Variants in LSAMP observed in about 807,000 individuals in gnomAD.
LSAMP encodes limbic system-associated membrane protein.
LSAMP carries 7 observed loss-of-function variants against 38.6 expected under a neutral mutation model. That is an observed-to-expected ratio of 0.18 (90% CI 0.10 to 0.34). The LOEUF (loss-of-function observed/expected upper bound fraction) is 0.34. Among genes scored for constraint, LSAMP ranks in the 10% least tolerant of loss-of-function variants. The probability of loss-of-function intolerance (pLI) is 1.00; values close to 1 mark genes in which losing one functional copy is unlikely to be tolerated. For missense variants in LSAMP, 313 were observed against 420.0 expected, an observed-to-expected ratio of 0.75 and a Z score of 2.23; for synonymous variants, 154 against 166.8, an observed-to-expected ratio of 0.92 and a Z score of 0.59.
At chr3:116,442,815 C>T (rs1288420982) in intron 1 of LSAMP, among the ~76,000 whole-genome samples, 1 of 152,166 alleles carries the variant, frequency 6.6e-6, no homozygotes, top group African/African-American at 2.4e-5. Context: ...ACTGTAATGT[C>T]TGCTAAAGCG....
chr3:116,238,075 T>C (rs2046487879), intron 1 of LSAMP, among the ~76,000 whole-genome samples: 1 of 152,172 alleles, frequency 6.6e-6, no homozygotes, highest in Non-Finnish European at 1.5e-5. Flanking sequence ...TCTCAAGATA[T>C]TGCCAAATAT....
At chr3:116,320,423 A>G (rs957383716) in intron 1 of LSAMP, among the ~76,000 whole-genome samples, 12 of 152,036 alleles carry the variant, frequency 7.9e-5, no homozygotes, top group Middle Eastern at 3.4e-3. Context: ...AGAAAATAAT[A>G]ATAGTAATAA....
chr3:116,259,859 A>G (rs987226845), intron 1 of LSAMP, among the ~76,000 whole-genome samples: 91 of 152,330 alleles, frequency 6.0e-4, no homozygotes, highest in African/African-American at 2.1e-3. Context: ...CTGCCTTTAT[A>G]ACAGCTATCT....
chr3:115,846,868 G>T (rs1170059457), intron 4 of LSAMP, among the ~76,000 whole-genome samples: 4 of 152,116 alleles, frequency 2.6e-5, no homozygotes, highest in Non-Finnish European at 4.4e-5. Flanking sequence ...CGACACAGTG[G>T]ATATAAACCT....
At chr3:115,997,609 C>A (rs1939850292) in intron 3 of LSAMP, among the ~76,000 whole-genome samples, 1 of 149,456 alleles carries the variant, frequency 6.7e-6, no homozygotes, top group Non-Finnish European at 1.5e-5. Context: ...ACAGCAAGTG[C>A]AAAGGCCCTG....
intron 3 of LSAMP, among the ~76,000 whole-genome samples, chr3:115,954,705 C>G (rs1938398404): frequency 6.6e-6 from 1 of 152,204 alleles, no homozygotes; most frequent in South Asian, 2.1e-4. Context: ...CGTTCTCTCT[C>G]TAGAGCCCAG....
chr3:115,965,445 C>T (rs891594656), intron 3 of LSAMP, among the ~76,000 whole-genome samples: 2 of 151,466 alleles, frequency 1.3e-5, no homozygotes, highest in African/African-American at 4.8e-5. Flanking sequence ...ATCTTATAAC[C>T]ATGGGGTGAA....
chr3:116,434,493 C>T (rs1480965800), intron 1 of LSAMP, among the ~76,000 whole-genome samples: 1 of 152,082 alleles, frequency 6.6e-6, no homozygotes. Flanking sequence ...TTCCTGAATG[C>T]GCCAGAACTG....
At chr3:116,091,814 G>T (rs1314994312) in intron 1 of LSAMP, among the ~76,000 whole-genome samples, 1 of 152,222 alleles carries the variant, frequency 6.6e-6, no homozygotes. Flanking sequence ...ATGACAATGG[G>T]TGTTAGTGCC....
chr3:116,158,309 C>T (rs1709804477), intron 1 of LSAMP, among the ~76,000 whole-genome samples: 1 of 152,212 alleles, frequency 6.6e-6, no homozygotes, highest in Non-Finnish European at 1.5e-5. Flanking sequence ...GAAGGATGCC[C>T]TCTCTCATCA....
intron 1 of LSAMP, among the ~76,000 whole-genome samples, chr3:116,209,480 C>T (rs2046122902): frequency 1.3e-5 from 2 of 152,126 alleles, no homozygotes; most frequent in African/African-American, 2.4e-5. Flanking sequence ...TAGTTTGTTC[C>T]TATGCATATA....
chr3:116,035,393 T>C (rs149639731), intron 2 of LSAMP, among the ~76,000 whole-genome samples: 48 of 152,254 alleles, frequency 3.2e-4, no homozygotes, highest in Admixed American at 9.8e-4. Context: ...GTAATAGAAA[T>C]GTTTCACTTA....
intron 1 of LSAMP, among the ~76,000 whole-genome samples, chr3:116,307,212 C>T (rs946441270): frequency 1.3e-5 from 2 of 151,990 alleles, no homozygotes; most frequent in Non-Finnish European, 2.9e-5. Flanking sequence ...AAGCTGCCAG[C>T]AGTCACTTAA....
chr3:116,298,759 C>T (rs1276625688), intron 1 of LSAMP, among the ~76,000 whole-genome samples: 1 of 152,064 alleles, frequency 6.6e-6, no homozygotes, highest in Non-Finnish European at 1.5e-5. Context: ...TAATTAAGCA[C>T]TTACAATTTT....
intron 1 of LSAMP, among the ~76,000 whole-genome samples, chr3:116,097,537 T>G (rs1168287725): frequency 6.6e-6 from 1 of 152,200 alleles, no homozygotes; most frequent in African/African-American, 2.4e-5. Context: ...ACATGACAAT[T>G]AATAGATACA....
chr3:116,416,110 A>C (rs999107430), intron 1 of LSAMP, among the ~76,000 whole-genome samples: 7 of 152,190 alleles, frequency 4.6e-5, no homozygotes, highest in African/African-American at 1.4e-4. Flanking sequence ...TATTCTGCAA[A>C]ACTGAGGTAG....
At chr3:116,230,652 C>T (rs927689771) in intron 1 of LSAMP, among the ~76,000 whole-genome samples, 8 of 152,262 alleles carry the variant, frequency 5.3e-5, no homozygotes, top group African/African-American at 1.7e-4. Flanking sequence ...AAAGGTCTCT[C>T]CTTTGTGACT....
chr3:116,122,176 CATTA>C (rs1383968664), intron 1 of LSAMP, among the ~76,000 whole-genome samples: 1 of 152,122 alleles, frequency 6.6e-6, no homozygotes, highest in African/African-American at 2.4e-5. Flanking sequence ...TCTATGCCAT[CATTA>C]ATTTAGAAAT....
chr3:116,009,067 C>T (rs1940249079), intron 3 of LSAMP, among the ~76,000 whole-genome samples: 1 of 152,156 alleles, frequency 6.6e-6, no homozygotes, highest in Non-Finnish European at 1.5e-5. Flanking sequence ...TATTTTCATT[C>T]TCTGAACCAC....
Sources: gnomAD v4.1 joint callset for allele counts (sites outside exome capture counted in the v4.1 genomes callset) on GRCh38, gnomAD v4.1.1 for gene constraint, MANE v1.5 for transcripts, NCBI Gene and HGNC (gene_info 2026-07-23, HGNC 2026-07-21) for gene names.